The following A1CF variants were observed in gnomAD, a reference collection of about 807,000 sequenced individuals.
A1CF encodes the protein APOBEC1 complementation factor.
In A1CF, 48 loss-of-function variants were observed where a neutral mutation model predicts 68.9. That is an observed-to-expected ratio of 0.70 (90% CI 0.55 to 0.89). The LOEUF is 0.89. Ranked by LOEUF, A1CF falls within the 40% of genes least tolerant of loss-of-function variation. A1CF has a pLI of 0.00. For synonymous variants in A1CF, 272 were observed against 260.4 expected, an observed-to-expected ratio of 1.04 and a Z score of -0.43; for missense variants, 653 against 718.9, an observed-to-expected ratio of 0.91 and a Z score of 1.05.
chr10:50,811,104 CT>C lies in A1CF; in HGVS notation c.1395del (p.Asp466ThrfsTer10), dbSNP rs768514523. 1 of 1,613,602 alleles carries C rather than the reference CT, an allele frequency of 6.2e-7. No individual in the cohort carries two copies. The highest frequency in any genetic ancestry group is 8.5e-7 in the Non-Finnish European group (1 of 1,179,728). ...PVYQLHSAIG[Q>X]DQRQLFLYKI... ...TTGTACAAGAATAGCTGTCTTTGGT[CT>C]TGTCCAATAGCAGAGTGCAGCTGGT... On this transcript the variant is annotated frameshift_variant, in exon 11 of 13. Transcript: ENST00000373997. LOFTEE classifies it high-confidence loss of function.
intron 1 of A1CF, among the ~76,000 whole-genome samples, chr10:50,882,238 C>G (rs1004504351): frequency 6.6e-6 from 1 of 151,962 alleles, no homozygotes; most frequent in Non-Finnish European, 1.5e-5. Context: ...GAGTTCGAGA[C>G]CAGCCTAGCC....
At chr10:50,820,157 G>A (rs938802179) in intron 8 of A1CF, among the ~76,000 whole-genome samples, 1 of 152,144 alleles carries the variant, frequency 6.6e-6, no homozygotes, top group African/African-American at 2.4e-5. Context: ...AACTATGAAG[G>A]CAGAATAACA....
chr10:50,860,761 C>T (rs2132531114), intron 2 of A1CF, among the ~76,000 whole-genome samples: 1 of 152,280 alleles, frequency 6.6e-6, no homozygotes, highest in East Asian at 1.9e-4. Flanking sequence ...TGATTTGAAT[C>T]ACATTCCAAA....
intron 1 of A1CF, among the ~76,000 whole-genome samples, chr10:50,881,439 C>T (rs10508934): frequency 0.14 from 20,575 of 152,160 alleles, 1,586 homozygotes; most frequent in Non-Finnish European, 0.17. Flanking sequence ...TGAATATTGA[C>T]ACAGTTACCT....
intron 1 of A1CF, among the ~76,000 whole-genome samples, chr10:50,867,587 G>A (rs1841052228): frequency 6.6e-6 from 1 of 152,104 alleles, no homozygotes; most frequent in Non-Finnish European, 1.5e-5. Flanking sequence ...TGGTTACAAT[G>A]TACATTATTT....
intron 3 of A1CF, 125 bp downstream of exon 3, chr10:50,859,717 A>T: frequency 1.3e-6 from 1 of 758,620 alleles, no homozygotes; most frequent in Non-Finnish European, 2.1e-6. Flanking sequence ...CTTCTCTTTT[A>T]GAAAGGGACA....
intron 6 of A1CF, among the ~76,000 whole-genome samples, chr10:50,831,640 A>G (rs1055344300): frequency 1.3e-5 from 2 of 152,218 alleles, no homozygotes; most frequent in Non-Finnish European, 2.9e-5. Context: ...AGGCAGGAGA[A>G]TCACTTGAAC....
At chr10:50,878,528 A>G (rs1036173314) in intron 1 of A1CF, among the ~76,000 whole-genome samples, 1 of 152,242 alleles carries the variant, frequency 6.6e-6, no homozygotes, top group African/African-American at 2.4e-5. Context: ...TTCCAGATCC[A>G]GAGCCTTCTG....
At position 50,801,090 on chromosome 10, in the gene A1CF, A is replaced by G. The variant is rs1837583054; in HGVS notation, c.*5639T>C. ...GTCTTGCCCCACCACCTAACCTGGC[A>G]TAATAATGACTAGCTTGCTCTGCCA... On this transcript the variant is annotated 3_prime_UTR_variant, in exon 13 of 13. Coordinates refer to ENST00000373997, the MANE Select transcript of A1CF (RefSeq NM_014576.4). 6.6e-6 allele frequency: 1 copy of G among 152,362 alleles called. No individual in the cohort carries two copies. The highest frequency in any genetic ancestry group is 1.5e-5 in the Non-Finnish European group (1 of 68,172). The allele number at this position is 152,362 out of a possible 1,614,324, so 9.4% of individuals were successfully genotyped here.
chr10:50,870,840 A>C (rs1023591284), intron 1 of A1CF, among the ~76,000 whole-genome samples: 6 of 151,780 alleles, frequency 4.0e-5, no homozygotes, highest in Non-Finnish European at 8.9e-5. Flanking sequence ...GTATCATAGG[A>C]GTATAGATAT....
At chr10:50,853,665 A>C (rs1840347501) in intron 3 of A1CF, among the ~76,000 whole-genome samples, 1 of 152,110 alleles carries the variant, frequency 6.6e-6, no homozygotes, top group South Asian at 2.1e-4. Context: ...AGGGAGATTA[A>C]ATACTAAATT....
rs1050123155 is a variant in A1CF at position 50,806,170 on chromosome 10, A to G, written c.*559T>C. ...ACTGGATGGAATTTTCAGGCTGAAG[A>G]GAGGTTGAAACCACAAAATCTTGGA... On this transcript the variant is annotated 3_prime_UTR_variant, in exon 13 of 13. Transcript: ENST00000373997. 1 of 152,276 alleles carries G rather than the reference A, an allele frequency of 6.6e-6. No individual in the cohort carries two copies. The highest frequency in any genetic ancestry group is 2.4e-5 in the African/African-American group (1 of 41,450). The allele number at this position is 152,276 out of a possible 1,614,324, so 9.4% of individuals were successfully genotyped here.
chr10:50,826,337 C>T (rs1588984198), intron 7 of A1CF, among the ~76,000 whole-genome samples: 1 of 152,120 alleles, frequency 6.6e-6, no homozygotes, highest in South Asian at 2.1e-4. Flanking sequence ...GAGAGGTCTG[C>T]ATGGAATTAT....
intron 2 of A1CF, among the ~76,000 whole-genome samples, 162 bp downstream of exon 2, chr10:50,863,871 T>C (rs1477677887): frequency 1.3e-5 from 2 of 152,190 alleles, no homozygotes; most frequent in African/African-American, 4.8e-5. Flanking sequence ...AGATTTATAA[T>C]GTTCCAAACA....
intron 6 of A1CF, among the ~76,000 whole-genome samples, chr10:50,831,089 C>A (rs1004723975): frequency 6.6e-6 from 1 of 152,002 alleles, no homozygotes; most frequent in Non-Finnish European, 1.5e-5. Flanking sequence ...CCTTATCTTA[C>A]AATATACACA....
At chr10:50,835,706 T>C (rs1839456463) in intron 6 of A1CF, among the ~76,000 whole-genome samples, 1 of 152,188 alleles carries the variant, frequency 6.6e-6, no homozygotes, top group Non-Finnish European at 1.5e-5. Context: ...GGTTTTTATT[T>C]CTACACTGTA....
At chr10:50,815,134 G>T (rs191773676) in intron 9 of A1CF, among the ~76,000 whole-genome samples, 1 of 152,106 alleles carries the variant, frequency 6.6e-6, no homozygotes, top group East Asian at 1.9e-4. Flanking sequence ...ACAGTTTATC[G>T]AATTGCCCAG....
intron 2 of A1CF, among the ~76,000 whole-genome samples, chr10:50,863,201 A>T (rs1443162355): frequency 6.6e-6 from 1 of 152,182 alleles, no homozygotes; most frequent in Non-Finnish European, 1.5e-5. Context: ...AGAAACACTT[A>T]ATCTTTAATT....
At chr10:50,850,908 T>A in intron 3 of A1CF, 1 of 1,348,190 alleles carries the variant, frequency 7.4e-7, no homozygotes, top group Non-Finnish European at 9.9e-7. Flanking sequence ...CCCATCTAAC[T>A]TTTTTGTTTA....
Sources: gnomAD v4.1 joint callset for allele counts (sites outside exome capture counted in the v4.1 genomes callset) on GRCh38, gnomAD v4.1.1 for gene constraint, MANE v1.5 for transcripts, NCBI Gene and HGNC (gene_info 2026-07-23, HGNC 2026-07-21) for gene names.